The following NPAT variants were observed in gnomAD, a reference collection of about 807,000 sequenced individuals.
NPAT encodes protein NPAT.
In NPAT, 52 loss-of-function variants were observed where a neutral mutation model predicts 130.7. That is an observed-to-expected ratio of 0.40 (90% CI 0.32 to 0.50). The LOEUF (loss-of-function observed/expected upper bound fraction) is 0.50, where lower values mean the gene tolerates loss of function less well. Among genes scored for constraint, NPAT ranks in the 20% least tolerant of loss-of-function variants. The pLI, the probability that NPAT is intolerant of heterozygous loss-of-function variation, is 0.68. For synonymous variants in NPAT, 580 were observed against 584.8 expected (o/e 0.99, Z 0.12); for missense variants, 1,687 against 1,662.6 (o/e 1.01, Z -0.26).
At chr11:108,159,124 T>C in intron 17 of NPAT, 105 bp from the exon 18 acceptor site, 1 of 694,224 alleles carries the variant, frequency 1.4e-6, no homozygotes, top group Non-Finnish European at 2.5e-6. Flanking sequence ...ACTACTAAAA[T>C]TGTCAAACTT....
rs181987872 is a variant in NPAT, at chr11:108,165,853, C to T, written c.3011-3673G>A. Among the ~76,000 whole-genome samples the T allele has an allele frequency of 5.9e-3, 894 of 151,714 alleles. 8 individuals are homozygous for T. Among genetic ancestry groups the T allele is most frequent in the African/African-American group, 0.018 (729 of 41,462 alleles). On this transcript the variant is annotated intron_variant, in intron 15 of 17. Transcript: ENST00000278612. ...TTTCACCGTATCAGCCAGGATGGTC[C>T]CGATCTCCTGACCTTGTGATCCGCC...
intron 2 of NPAT, among the ~76,000 whole-genome samples, chr11:108,196,310 A>C (rs1050034984): frequency 3.3e-4 from 50 of 152,198 alleles, no homozygotes; most frequent in Admixed American, 2.0e-4. Context: ...CCACATGCCT[A>C]AACTATCAAA....
At chr11:108,192,316 A>C (rs2078177549) in intron 3 of NPAT, 126 bp from the exon 4 acceptor site, 20 of 736,178 alleles carry the variant, frequency 2.7e-5, no homozygotes, top group Non-Finnish European at 2.5e-6. Context: ...ATGAGAAATA[A>C]ATCTATGTTG....
At chr11:108,167,933 A>T (rs1408671524) in intron 15 of NPAT, among the ~76,000 whole-genome samples, 2 of 152,202 alleles carry the variant, frequency 1.3e-5, no homozygotes, top group Non-Finnish European at 2.9e-5. Context: ...CAGAAGGGAA[A>T]ATATTATTTA....
chr11:108,173,587 T>C lies in NPAT; in HGVS notation c.1397A>G (p.His466Arg), dbSNP rs768321945. 4 of 1,614,088 alleles carry C rather than the reference T, an allele frequency of 2.5e-6. No homozygotes were observed. The highest frequency in any genetic ancestry group is 1.3e-5 in the African/African-American group (1 of 74,926). The change falls in exon 13 of 18, where the codon CAT becomes CGT. Residue 466 changes from histidine (H) to arginine (R), a missense_variant. Physicochemically the swap from His to Arg is conservative, Grantham distance 29 (BLOSUM62 0). This residue lies in a region of NPAT where 1,379 missense variants were observed against 1,346.6 expected (regional missense o/e 1.02). Coordinates refer to ENST00000278612, the MANE Select transcript of NPAT (RefSeq NM_002519.3). Reference protein sequence around the residue: ...RGNSNAECNPHCAELYTNQMS... With the variant: ...RGNSNAECNPRCAELYTNQMS... Reference sequence around the variant, plus strand: ...CTGATTGGTGTATAATTCAGCACAATGTGGATTACATTCAGCATTAGAATT... The same window carrying C: ...CTGATTGGTGTATAATTCAGCACAACGTGGATTACATTCAGCATTAGAATT...
chr11:108,191,781 G>C (rs2078171902), intron 4 of NPAT, among the ~76,000 whole-genome samples: 1 of 152,150 alleles, frequency 6.6e-6, no homozygotes, highest in South Asian at 2.1e-4. Context: ...CATCAATTCT[G>C]TGAATATGTA....
At chr11:108,193,537 C>G (rs760975461) in intron 3 of NPAT, among the ~76,000 whole-genome samples, 39 of 152,144 alleles carry the variant, frequency 2.6e-4, no homozygotes, top group South Asian at 4.2e-4. Context: ...ACCAGCCTGA[C>G]CAACATGGAG....
At chr11:108,206,515 G>C (rs2078326645) in intron 1 of NPAT, among the ~76,000 whole-genome samples, 1 of 152,310 alleles carries the variant, frequency 6.6e-6, no homozygotes, top group South Asian at 2.1e-4. Flanking sequence ...ACATACCACA[G>C]TGGCTTCCAC....
intron 17 of NPAT, among the ~76,000 whole-genome samples, chr11:108,160,596 A>C (rs1360556980): frequency 1.3e-5 from 2 of 152,232 alleles, no homozygotes; most frequent in East Asian, 3.9e-4. Context: ...GTTTATAAAC[A>C]AATGCCTCAG....
chr11:108,161,962 C>G lies in NPAT; in HGVS notation c.3124G>C (p.Glu1042Gln), dbSNP rs1221441251. 6.2e-7 allele frequency: 1 copy of G among 1,603,410 alleles called. No homozygotes were observed. The highest frequency in any genetic ancestry group is 8.5e-7 in the Non-Finnish European group (1 of 1,175,624). ...TCTTCTGGGAAGGGAACTGTGGTTTCTTCTGATTTTTTCCCAAGATCTGTG... is the reference window on the plus strand; with the variant it reads ...TCTTCTGGGAAGGGAACTGTGGTTTGTTCTGATTTTTTCCCAAGATCTGTG... ...IATDLGKKSEETTVPFPEESI... is the reference protein window; with the variant it reads ...IATDLGKKSEQTTVPFPEESI... Residue 1042 changes from glutamate (E) to glutamine (Q), a missense_variant, in exon 17 of 18, where the codon GAA (glutamate) becomes CAA (glutamine). By Grantham distance (29) the Glu-to-Gln change is conservative. This residue lies in a region of NPAT where 1,379 missense variants were observed against 1,346.6 expected (regional missense o/e 1.02). Coordinates refer to ENST00000278612, the MANE Select transcript of NPAT (RefSeq NM_002519.3).
chr11:108,185,262 C>A lies in NPAT; in HGVS notation c.876G>T (p.Glu292Asp). The change falls in exon 10 of 18, where the codon GAG becomes GAT. Residue 292 changes from glutamate (E) to aspartate (D), a missense_variant. By Grantham distance (45) the Glu-to-Asp change is conservative (BLOSUM62 2). Transcript: ENST00000278612. ...GTCCTAGGAATTCATCAATTGAAGT[C>A]TCTGGCTCCGTAGGGTTGTTATCTG... The part of the protein sequence containing the change: ...KQTDNNPTEP[E>D]TSIDEFLGLP... 1.2e-6 allele frequency: 2 copies of A among 1,612,468 alleles called. No individual in the cohort carries two copies. The highest frequency in any genetic ancestry group is 1.3e-5 in the African/African-American group (1 of 74,996).
intron 15 of NPAT, among the ~76,000 whole-genome samples, chr11:108,164,622 T>G (rs1173497218): frequency 2.0e-5 from 3 of 152,206 alleles, no homozygotes; most frequent in African/African-American, 7.2e-5. Flanking sequence ...GACACATCAC[T>G]GGCCTTTAAA....
Position 108,158,741 on chromosome 11 carries a change from C to T in NPAT, c.*201G>A, listed in dbSNP as rs2134814013. The stretch of plus-strand genomic sequence containing the variant: ...TACTTACATTTCTGCAAACGTTTTT[C>T]CCAAAATAAAAATATACCAAGTAAG... On this transcript the variant is annotated 3_prime_UTR_variant, in exon 18 of 18. Transcript: ENST00000278612. 1 of 509,002 alleles carries T rather than the reference C, an allele frequency of 2.0e-6. No homozygotes were observed. The highest frequency in any genetic ancestry group is 3.5e-5 in the East Asian group (1 of 28,474). The allele number at this position is 509,002 out of a possible 1,614,324, so 31.5% of individuals were successfully genotyped here.
rs2078175614 is a variant in NPAT, at chr11:108,192,099, C to T, written c.290+19G>A. 2.0e-6 allele frequency: 3 copies of T among 1,523,548 alleles called. No homozygotes were observed. Among genetic ancestry groups the T allele is most frequent in the Non-Finnish European group, 2.7e-6 (3 of 1,097,584 alleles). 94.4% of individuals were successfully genotyped at this position (1,523,548 alleles called of 1,614,324 possible). On this transcript the variant is annotated intron_variant, in intron 4 of 17. Transcript: ENST00000278612. ...ATTTGCATTCCAAAATCATTAGGCA[C>T]ATTCTAATAGCTTATTACCTGATCT...
At chr11:108,191,213 T>G (rs545452451) in intron 4 of NPAT, among the ~76,000 whole-genome samples, 1 of 152,302 alleles carries the variant, frequency 6.6e-6, no homozygotes, top group African/African-American at 2.4e-5. Flanking sequence ...TTCACATGAC[T>G]CCATATATAA....
rs531244999 is a variant in NPAT, at chr11:108,159,391, C to G, written c.4207-372G>C. On this transcript the variant is annotated intron_variant, in intron 17 of 17. Transcript: ENST00000278612. ...TATCAGTTCCAAAACTTAATATACA[C>G]TAGATACTTTATGTATACTACATTT... Among the ~76,000 whole-genome samples the G allele has an allele frequency of 7.5e-4, 114 of 152,224 alleles. 2 individuals carry two copies. Among genetic ancestry groups the G allele is most frequent in the African/African-American group, 2.5e-3 (104 of 41,550 alleles).
chr11:108,179,877 C>A (rs1272935242), intron 10 of NPAT, among the ~76,000 whole-genome samples: 1 of 152,132 alleles, frequency 6.6e-6, no homozygotes, highest in Non-Finnish European at 1.5e-5. Context: ...TGGATTGACA[C>A]TAAAAGCTCA....
intron 1 of NPAT, among the ~76,000 whole-genome samples, chr11:108,204,917 G>A (rs971935819): frequency 3.9e-5 from 6 of 152,160 alleles, no homozygotes; most frequent in Non-Finnish European, 8.8e-5. Context: ...ATCCTAGAAC[G>A]ACAGAAATGC....
At chr11:108,207,564 G>C (rs1161412593) in intron 1 of NPAT, among the ~76,000 whole-genome samples, 4 of 152,266 alleles carry the variant, frequency 2.6e-5, no homozygotes, top group African/African-American at 9.6e-5. Context: ...GGCAGCATGA[G>C]GCTGGTGTGT....
Sources: gnomAD v4.1 joint callset for allele counts (sites outside exome capture counted in the v4.1 genomes callset) on GRCh38, gnomAD v4.1.1 for gene constraint, gnomAD v4.1.1 regional missense constraint, MANE v1.5 for transcripts, NCBI Gene and HGNC (gene_info 2026-07-23, HGNC 2026-07-21) for gene names.